The following CYB5R2 variants were observed in gnomAD, a reference collection of about 807,000 sequenced individuals.
CYB5R2 encodes the protein NADH-cytochrome b5 reductase 2.
Under a neutral mutation model 29.8 loss-of-function variants are expected in CYB5R2, and 35 were observed. That is an observed-to-expected ratio of 1.17 (90% confidence interval 0.90 to 1.56). The LOEUF (loss-of-function observed/expected upper bound fraction) is 1.56, where lower values mean the gene tolerates loss of function less well. Among genes scored for constraint, CYB5R2 ranks in the 40% most tolerant of loss-of-function variants. The probability of loss-of-function intolerance (pLI) is 0.00; values close to 1 mark genes in which losing one functional copy is unlikely to be tolerated. For synonymous variants in CYB5R2, 169 were observed against 130.6 expected (o/e 1.29, Z -2.01); for missense variants, 419 against 346.7 (o/e 1.21, Z -1.66).
chr11:7,673,791 T>C (rs1855912411), upstream of CYB5R2: 2 of 987,446 alleles, frequency 2.0e-6, no homozygotes, highest in East Asian at 2.3e-4. Context: ...GCCCGCAGAC[T>C]CGTGGCGTCG....
rs1175540490 is a variant in CYB5R2, at chr11:7,672,852, T to C, written c.-27A>G. The C allele has an allele frequency of 1.9e-6, 3 of 1,613,928 alleles. No homozygotes were observed. The highest frequency in any genetic ancestry group is 2.5e-6 in the Non-Finnish European group (3 of 1,179,972). Reference sequence around the variant, plus strand: ...CTCTTCAGGACCAACACGAGCACAGTGACCCCAGTGACGGTGATGGTCAGG... The same window carrying C: ...CTCTTCAGGACCAACACGAGCACAGCGACCCCAGTGACGGTGATGGTCAGG... On this transcript the variant is annotated 5_prime_UTR_variant, in exon 2 of 9. Transcript: ENST00000299498.
In CYB5R2 at chr11:7,669,297, C is replaced by T. The variant is rs1317034019; in HGVS notation, c.296G>A (p.Gly99Asp). The change falls in exon 5 of 9, where the codon GGT (glycine) becomes GAT (aspartate). Residue 99 changes from glycine to aspartate, a missense_variant. By Grantham distance (94) the Gly-to-Asp change is moderately conservative (BLOSUM62 -1). Coordinates refer to ENST00000299498, the MANE Select transcript of CYB5R2 (RefSeq NM_016229.5). Reference sequence around the variant, plus strand: ...CTCCAAATACTGAGTCATCTTCCCACCTTCAGGATATTGGGGGTGTACATT... The same window carrying T: ...CTCCAAATACTGAGTCATCTTCCCATCTTCAGGATATTGGGGGTGTACATT... ...FKNVHPQYPE[G>D]GKMTQYLENM... 2.5e-6 allele frequency: 4 copies of T among 1,614,102 alleles called. No individual in the cohort carries two copies. The Admixed American group carries it at 5.0e-5, about 20-fold the overall frequency.
chr11:7,666,178 A>G, intron 8 of CYB5R2: 5 of 598,678 alleles, frequency 8.4e-6, no homozygotes, highest in Non-Finnish European at 1.5e-5. Flanking sequence ...GGGTGTTCAC[A>G]GTGGACAGGG....
chr11:7,665,579 C>A, intron 8 of CYB5R2, 33 bp from the exon 9 acceptor site: 1 of 1,564,456 alleles, frequency 6.4e-7, no homozygotes, highest in East Asian at 2.2e-5. Flanking sequence ...GCAAGCTGAG[C>A]GATGCCAGGT....
chr11:7,669,507 G>A, intron 4 of CYB5R2, 118 bp downstream of exon 4: 1 of 1,206,920 alleles, frequency 8.3e-7, no homozygotes. Context: ...TAGCTTCACT[G>A]CTGGAAAGCC....
At position 7,668,601 on chromosome 11, in the gene CYB5R2, G is replaced by A. The variant is rs140621844; in HGVS notation, c.389-40C>T. ...AATGCTTATGACCTCTGCAGTTCTTGCCTAAAGAGACTGCAAAAGATCACT... is the reference window on the plus strand; with the variant it reads ...AATGCTTATGACCTCTGCAGTTCTTACCTAAAGAGACTGCAAAAGATCACT... On this transcript the variant is annotated intron_variant, in intron 5 of 8. Coordinates refer to ENST00000299498, the MANE Select transcript of CYB5R2 (RefSeq NM_016229.5). 5.9e-5 allele frequency: 89 copies of A among 1,502,504 alleles called. 1 individual carries two copies. In the East Asian group the frequency reaches 1.9e-3, roughly 32 times the overall value. The allele number at this position is 1,502,504 out of a possible 1,614,324, so 93.1% of individuals were successfully genotyped here.
chr11:7,668,226 G>A (rs562906406), intron 6 of CYB5R2, among the ~76,000 whole-genome samples: 2 of 152,328 alleles, frequency 1.3e-5, no homozygotes, highest in South Asian at 4.1e-4. Flanking sequence ...GGGACAGCAT[G>A]GGTGGGCCTG....
chr11:7,666,854 GAGCTCCAGCC>G, intron 7 of CYB5R2: 3 of 216,722 alleles, frequency 1.4e-5, no homozygotes, highest in South Asian at 8.2e-5. Context: ...GCTTCACTCG[GAGCTCCAGCC>G]CTGCCTCCTA....
In CYB5R2 at chr11:7,672,754, C is replaced by CTCAA. The variant is rs758225455; in HGVS notation, c.68_71dup (p.Glu24AspfsTer2). 3.5e-5 allele frequency: 56 copies of CTCAA among 1,614,110 alleles called. No homozygotes were observed. Among genetic ancestry groups the CTCAA allele is most frequent in the Non-Finnish European group, 3.5e-5 (41 of 1,180,044 alleles). ...CACAGGGCTGACCCATTACCTCTTT[C>CTCAA]TCAATCAAGGGCAGCGGGTACTTGG... On this transcript the variant is annotated stop_gained and frameshift_variant, in exon 2 of 9. Coordinates refer to ENST00000299498, the MANE Select transcript of CYB5R2 (RefSeq NM_016229.5). LOFTEE classifies it high-confidence loss of function.
upstream of CYB5R2, chr11:7,673,552 C>A (rs894652749): frequency 1.0e-6 from 1 of 985,298 alleles, no homozygotes; most frequent in Non-Finnish European, 1.2e-6. Flanking sequence ...TTCGCGGTCC[C>A]GCCCACGACC....
chr11:7,669,737 G>C lies in CYB5R2; in HGVS notation c.152-6C>G. On this transcript the variant is annotated splice_region_variant and splice_polypyrimidine_tract_variant and intron_variant, in intron 3 of 8. Coordinates refer to ENST00000299498, the MANE Select transcript of CYB5R2 (RefSeq NM_016229.5). The stretch of plus-strand genomic sequence containing the variant: ...CAAGAGCTGGACATAGTTACCTATA[G>C]AAAAGGCATCAAGCACTGAGTCAAA... 6.2e-7 allele frequency: 1 copy of C among 1,603,510 alleles called. No homozygotes were observed. The highest frequency in any genetic ancestry group is 8.5e-7 in the Non-Finnish European group (1 of 1,170,294).
upstream of CYB5R2, chr11:7,673,633 C>T: frequency 1.0e-6 from 1 of 985,354 alleles, no homozygotes; most frequent in Non-Finnish European, 1.2e-6. Context: ...AGCCGGCCTC[C>T]GCGCCTCTGG....
intron 5 of CYB5R2, 75 bp downstream of exon 5, chr11:7,669,130 A>G (rs894103755): frequency 1.3e-6 from 2 of 1,563,870 alleles, no homozygotes; most frequent in South Asian, 1.1e-5. Context: ...AAATCTGAGG[A>G]GTGTACGAGA....
rs923278044 is a variant in CYB5R2 at position 7,668,395 on chromosome 11, G to A, written c.472+83C>T. On this transcript the variant is annotated intron_variant, in intron 6 of 8. Coordinates refer to ENST00000299498, the MANE Select transcript of CYB5R2 (RefSeq NM_016229.5). Reference sequence around the variant, plus strand: ...AGCTGGAGGCGAAATCTCTCATGTTGTCCCTTAGAGGATCAAATGACTCCC... The same window carrying A: ...AGCTGGAGGCGAAATCTCTCATGTTATCCCTTAGAGGATCAAATGACTCCC... 1.4e-5 allele frequency: 15 copies of A among 1,060,718 alleles called. No individual in the cohort carries two copies. In the African/African-American group the frequency reaches 1.6e-4, roughly 11 times the overall value. 65.7% of individuals were successfully genotyped at this position (1,060,718 alleles called of 1,614,324 possible).
intron 3 of CYB5R2, 141 bp downstream of exon 3, chr11:7,672,310 A>G: frequency 1.5e-6 from 1 of 668,474 alleles, no homozygotes; most frequent in Non-Finnish European, 2.6e-6. Context: ...CCCCCTATCT[A>G]TCTCCCTGAG....
rs1855233950 is a variant in CYB5R2, at chr11:7,666,473, G to A, written c.636C>T (p.Tyr212=). The A allele has an allele frequency of 2.5e-6, 4 of 1,612,776 alleles. No individual in the cohort carries two copies. Among genetic ancestry groups the A allele is most frequent in the Non-Finnish European group, 3.4e-6 (4 of 1,179,012 alleles). Residue 212 remains tyrosine (Y), a synonymous_variant, in exon 8 of 9, where the codon TAC becomes TAT. Coordinates refer to ENST00000299498, the MANE Select transcript of CYB5R2 (RefSeq NM_016229.5). ...TACCAATGGGAGGCCTGTCCAGGGT[G>A]TACCACAGGTTGAACTGGTCTGGGT... is the stretch of plus-strand genomic sequence containing the variant. The part of the protein sequence containing the change: ...RTHPDQFNLW[Y]TLDRPPIGWK...
intron 7 of CYB5R2, chr11:7,667,116 T>G (rs538448848): frequency 6.6e-6 from 1 of 152,372 alleles, no homozygotes; most frequent in Admixed American, 6.5e-5. Flanking sequence ...TCCTCATGAT[T>G]CTCATCCCAG....
intron 8 of CYB5R2, 144 bp from the exon 9 acceptor site, chr11:7,665,690 C>CA: frequency 8.8e-7 from 1 of 1,137,180 alleles, no homozygotes; most frequent in South Asian, 1.6e-5. Flanking sequence ...CTGCTCCCTG[C>CA]AAAAAGCCTC....
chr11:7,669,286 T>C lies in CYB5R2; in HGVS notation c.307A>G (p.Thr103Ala), dbSNP rs773767925. Residue 103 changes from threonine (T) to alanine (A), a missense_variant, in exon 5 of 9, where the codon ACT becomes GCT. Thr to Ala is a moderately conservative substitution (Grantham distance 58). Transcript: ENST00000299498. ...HPQYPEGGKM[T>A]QYLENMKIGE... is the part of the protein sequence containing the mutation. The stretch of plus-strand genomic sequence containing the variant: ...ATTTTCATGTTCTCCAAATACTGAG[T>C]CATCTTCCCACCTTCAGGATATTGG... The C allele has an allele frequency of 1.2e-6, 2 of 1,614,108 alleles. No homozygotes were observed. Among genetic ancestry groups the C allele is most frequent in the South Asian group, 1.1e-5 (1 of 91,072 alleles).
Sources: allele counts gnomAD v4.1 joint callset (sites outside exome capture counted in the v4.1 genomes callset), GRCh38; gene constraint gnomAD v4.1.1; transcripts MANE v1.5; gene names NCBI Gene and HGNC (gene_info 2026-07-23, HGNC 2026-07-21).